LDB2: variants seen among roughly 807,000 people sequenced by gnomAD.
The protein encoded by LDB2 is LIM domain-binding protein 2.
Under a neutral mutation model 44.3 loss-of-function variants are expected in LDB2, and 12 were observed. The observed-to-expected ratio is 0.27, with a 90% CI of 0.17 to 0.44. The LOEUF (loss-of-function observed/expected upper bound fraction) is 0.44. Among genes scored for constraint, LDB2 ranks in the 20% least tolerant of loss-of-function variants. The pLI, the probability that LDB2 is intolerant of heterozygous loss-of-function variation, is 1.00. For synonymous variants in LDB2, 164 were observed against 174.8 expected, an observed-to-expected ratio of 0.94 and a Z score of 0.49; for missense variants, 344 against 473.5, an observed-to-expected ratio of 0.73 and a Z score of 2.54.
In LDB2 at chr4:16,595,750, C is replaced by A; in HGVS notation, c.361G>T (p.Asp121Tyr). The change falls in exon 3 of 8, where the codon GAC becomes TAC. Residue 121 changes from aspartate (D) to tyrosine (Y), a missense_variant. Physicochemically the swap from Asp to Tyr is radical, Grantham distance 160. This residue lies in a region of LDB2 where 226 missense variants were observed against 270.1 expected (regional missense o/e 0.84). Transcript: ENST00000304523. ...YHNSSITVDC[D>Y]QCTMVTQHGK... ...TGCTGGGTGACCATGGTACACTGGT[C>A]GCAGTCCACCGTGATGGATGAGTTG... 1 of 1,613,738 alleles carries A rather than the reference C, an allele frequency of 6.2e-7. No individual in the cohort carries two copies. Among genetic ancestry groups the A allele is most frequent in the Non-Finnish European group, 8.5e-7 (1 of 1,179,852 alleles).
chr4:16,513,242 C>T (rs1722476931), intron 5 of LDB2, among the ~76,000 whole-genome samples: 1 of 152,102 alleles, frequency 6.6e-6, no homozygotes, highest in Non-Finnish European at 1.5e-5. Flanking sequence ...TTCTTCTCTC[C>T]CCTCCTCTTG....
chr4:16,562,268 C>T (rs1742655622), intron 5 of LDB2, among the ~76,000 whole-genome samples: 1 of 152,194 alleles, frequency 6.6e-6, no homozygotes, highest in African/African-American at 2.4e-5. Context: ...AAACTACCAT[C>T]AGAGTGAACA....
intron 1 of LDB2, among the ~76,000 whole-genome samples, chr4:16,885,608 A>T (rs566663737): frequency 6.6e-6 from 1 of 152,194 alleles, no homozygotes; most frequent in East Asian, 1.9e-4. Context: ...CTATATCCCA[A>T]CTCTCTGGTT....
chr4:16,542,937 A>T (rs1411985252), intron 5 of LDB2, among the ~76,000 whole-genome samples: 9 of 69,176 alleles, frequency 1.3e-4, no homozygotes, highest in Non-Finnish European at 2.3e-4. Flanking sequence ...CCCCCACCCC[A>T]CCATAGGCCC....
At chr4:16,542,838 A>G (rs1021654886) in intron 5 of LDB2, among the ~76,000 whole-genome samples, 2 of 151,850 alleles carry the variant, frequency 1.3e-5, no homozygotes, top group African/African-American at 2.4e-5. Context: ...GGTTTGTTAC[A>G]TACGTATACA....
intron 2 of LDB2, among the ~76,000 whole-genome samples, chr4:16,740,273 T>G (rs1762966090): frequency 1.3e-5 from 2 of 152,224 alleles, no homozygotes; most frequent in African/African-American, 4.8e-5. Flanking sequence ...TTTTTTCTTC[T>G]GGCACACACT....
intron 1 of LDB2, among the ~76,000 whole-genome samples, chr4:16,783,601 T>C (rs1372453372): frequency 6.6e-6 from 1 of 152,258 alleles, no homozygotes; most frequent in African/African-American, 2.4e-5. Flanking sequence ...CCATCAGTGG[T>C]ATAAGCCTTG....
At chr4:16,858,931 C>T (rs1711535833) in intron 1 of LDB2, among the ~76,000 whole-genome samples, 1 of 152,170 alleles carries the variant, frequency 6.6e-6, no homozygotes, top group African/African-American at 2.4e-5. Flanking sequence ...GCCAACTCTC[C>T]ATGCTTCAAA....
At chr4:16,878,330 C>T (rs1041434449) in intron 1 of LDB2, among the ~76,000 whole-genome samples, 17 of 152,164 alleles carry the variant, frequency 1.1e-4, no homozygotes, top group African/African-American at 3.6e-4. Flanking sequence ...AAAGATAAAG[C>T]CTGAGAAGGG....
At chr4:16,649,999 C>G (rs913939567) in intron 2 of LDB2, among the ~76,000 whole-genome samples, 7 of 152,186 alleles carry the variant, frequency 4.6e-5, no homozygotes, top group Admixed American at 2.0e-4. Flanking sequence ...ATTCTGCTCC[C>G]AAGGGCGGCT....
At position 16,865,051 on chromosome 4, in the gene LDB2, T is replaced by C. The variant is rs200192548; in HGVS notation, c.132+33303A>G. Among the ~76,000 whole-genome samples the C allele has an allele frequency of 3.3e-5, 5 of 151,798 alleles. No homozygotes were observed. In the East Asian group the frequency reaches 9.8e-4, roughly 30 times the overall value. ...ACTTGAGGTCAGGAGTTAAGAGACCTACCCACCTGGCCAACATGGTGAAAC... is the reference window on the plus strand; with the variant it reads ...ACTTGAGGTCAGGAGTTAAGAGACCCACCCACCTGGCCAACATGGTGAAAC... On this transcript the variant is annotated intron_variant, in intron 1 of 7. Transcript: ENST00000304523.
chr4:16,833,498 A>G (rs1301272280), intron 1 of LDB2, among the ~76,000 whole-genome samples: 1 of 151,040 alleles, frequency 6.6e-6, no homozygotes, highest in Non-Finnish European at 1.5e-5. Flanking sequence ...TCACACTAAC[A>G]ATATGATCCG....
At chr4:16,752,454 G>T in intron 2 of LDB2, 1 of 453,452 alleles carries the variant, frequency 2.2e-6, no homozygotes, top group Non-Finnish European at 4.4e-6. Flanking sequence ...TTAAATTCTT[G>T]GTTCCTGTAT....
intron 2 of LDB2, among the ~76,000 whole-genome samples, chr4:16,665,071 CAA>C (rs1742665947): frequency 1.3e-5 from 2 of 152,070 alleles, no homozygotes; most frequent in Non-Finnish European, 2.9e-5. Flanking sequence ...TAGACTCTGG[CAA>C]AGAGTGAAAC....
At chr4:16,609,351 CG>C (rs71181179) in intron 2 of LDB2, among the ~76,000 whole-genome samples, 43,811 of 108,780 alleles carry the variant, frequency 0.4, 7,210 homozygotes, top group East Asian at 0.57. Flanking sequence ...GGGGAGGGGG[CG>C]GGGGGGGGAG....
chr4:16,802,812 C>G (rs967595721), intron 1 of LDB2, among the ~76,000 whole-genome samples: 1 of 152,126 alleles, frequency 6.6e-6, no homozygotes, highest in Non-Finnish European at 1.5e-5. Context: ...ATGTGAGAGG[C>G]TCTAAGGGCT....
At chr4:16,772,584 T>C (rs1770949516) in intron 1 of LDB2, among the ~76,000 whole-genome samples, 1 of 152,212 alleles carries the variant, frequency 6.6e-6, no homozygotes, top group South Asian at 2.1e-4. Flanking sequence ...ATATATGCTG[T>C]GAATTAAAAG....
Position 16,856,850 on chromosome 4 carries a change from C to T in LDB2, c.132+41504G>A, listed in dbSNP as rs1204413392. On this transcript the variant is annotated intron_variant, in intron 1 of 7. Transcript: ENST00000304523. ...GTTAAGTCACTTGTCCAAAGTTATA[C>T]AGCTAATGCATGTCATTGTAGCATT... is the stretch of plus-strand genomic sequence containing the variant. Among the ~76,000 whole-genome samples the T allele has an allele frequency of 2.0e-5, 3 of 152,176 alleles. No homozygotes were observed. The East Asian group carries it at 5.8e-4, about 29-fold the overall frequency.
chr4:16,615,796 C>T (rs945498025), intron 2 of LDB2, among the ~76,000 whole-genome samples: 2 of 152,184 alleles, frequency 1.3e-5, no homozygotes, highest in East Asian at 1.9e-4. Context: ...TGGGATTCGT[C>T]CTCCCAAGGC....
Sources: allele counts gnomAD v4.1 joint callset (sites outside exome capture counted in the v4.1 genomes callset), GRCh38; gene constraint gnomAD v4.1.1; regional missense constraint gnomAD v4.1.1; transcripts MANE v1.5; gene names NCBI Gene and HGNC (gene_info 2026-07-23, HGNC 2026-07-21).